ADAMTS19: variants seen among roughly 807,000 people sequenced by gnomAD.
ADAMTS19 encodes the protein A disintegrin and metalloproteinase with thrombospondin motifs 19.
In ADAMTS19, 93 loss-of-function variants were observed where a neutral mutation model predicts 153.3. That is an observed-to-expected ratio of 0.61 (90% CI 0.51 to 0.72). The LOEUF (loss-of-function observed/expected upper bound fraction) is 0.72, where lower values mean the gene tolerates loss of function less well. Ranked by LOEUF, ADAMTS19 falls within the 30% of genes least tolerant of loss-of-function variation. The pLI is 0.00. For missense variants in ADAMTS19, 1,482 were observed against 1,552.1 expected (o/e 0.95, Z 0.76); for synonymous variants, 600 against 556.6 (o/e 1.08, Z -1.10).
intron 3 of ADAMTS19, among the ~76,000 whole-genome samples, chr5:129,516,519 T>A (rs568204420): frequency 6.6e-6 from 1 of 151,964 alleles, no homozygotes; most frequent in African/African-American, 2.4e-5. Flanking sequence ...CCTGTTTCAA[T>A]CTTGGTAGGT....
intron 2 of ADAMTS19, among the ~76,000 whole-genome samples, chr5:129,497,389 A>C (rs1474640349): frequency 6.6e-6 from 1 of 152,058 alleles, no homozygotes; most frequent in Admixed American, 6.6e-5. Flanking sequence ...AATATCATTC[A>C]GTCTTAGGGA....
At chr5:129,525,032 T>C (rs915364362) in intron 3 of ADAMTS19, among the ~76,000 whole-genome samples, 2 of 152,166 alleles carry the variant, frequency 1.3e-5, no homozygotes, top group African/African-American at 4.8e-5. Flanking sequence ...TTTTCATTGC[T>C]ATATAGTATT....
chr5:129,633,191 G>T (rs1752380654), intron 10 of ADAMTS19, among the ~76,000 whole-genome samples: 1 of 150,792 alleles, frequency 6.6e-6, no homozygotes, highest in African/African-American at 2.4e-5. Flanking sequence ...TTTACATATT[G>T]TATTTTTCAC....
At chr5:129,492,157 C>G (rs1750789729) in intron 2 of ADAMTS19, among the ~76,000 whole-genome samples, 1 of 152,168 alleles carries the variant, frequency 6.6e-6, no homozygotes, top group Non-Finnish European at 1.5e-5. Flanking sequence ...ATGCATCTCA[C>G]ATGGCGAAAG....
At position 129,701,021 on chromosome 5, in the gene ADAMTS19, T is replaced by C. The variant is rs138424682; in HGVS notation, c.2955-367T>C. Among the ~76,000 whole-genome samples the C allele has an allele frequency of 3.5e-3, 529 of 152,076 alleles. 3 individuals are homozygous for C. Among genetic ancestry groups the C allele is most frequent in the African/African-American group, 0.012 (505 of 41,478 alleles). On this transcript the variant is annotated intron_variant, in intron 19 of 22. Coordinates refer to ENST00000274487, the MANE Select transcript of ADAMTS19 (RefSeq NM_133638.6). ...CCCAAATCTCATCTTGAATTGTAGCTTCCATGATTCCCATGTCATGAGAGG... is the reference window on the plus strand; with the variant it reads ...CCCAAATCTCATCTTGAATTGTAGCCTCCATGATTCCCATGTCATGAGAGG...
At chr5:129,529,615 A>G (rs534357311) in intron 6 of ADAMTS19, among the ~76,000 whole-genome samples, 23 of 152,224 alleles carry the variant, frequency 1.5e-4, no homozygotes, top group Non-Finnish European at 3.2e-4. Context: ...TTTATTATGC[A>G]AACATCGCAG....
At chr5:129,505,689 C>A (rs538875717) in intron 2 of ADAMTS19, among the ~76,000 whole-genome samples, 22 of 151,854 alleles carry the variant, frequency 1.4e-4, no homozygotes, top group African/African-American at 5.1e-4. Context: ...AAAAGCAATG[C>A]TAAATTGCAA....
intron 6 of ADAMTS19, among the ~76,000 whole-genome samples, chr5:129,547,576 GA>G: frequency 6.6e-6 from 1 of 150,398 alleles, no homozygotes; most frequent in Admixed American, 6.6e-5. Flanking sequence ...AGAAAAAGAA[GA>G]ACAAAGAAAT....
chr5:129,668,178 C>T (rs1754137264), intron 16 of ADAMTS19, among the ~76,000 whole-genome samples: 1 of 152,126 alleles, frequency 6.6e-6, no homozygotes, highest in Admixed American at 6.6e-5. Context: ...GGTCTCTTTG[C>T]CTTCTCCTTT....
intron 10 of ADAMTS19, among the ~76,000 whole-genome samples, chr5:129,622,852 T>C (rs950691239): frequency 6.6e-6 from 1 of 152,148 alleles, no homozygotes; most frequent in African/African-American, 2.4e-5. Context: ...TATGTAATTA[T>C]TATACTATGT....
intron 18 of ADAMTS19, among the ~76,000 whole-genome samples, chr5:129,688,451 CT>C (rs2127136896): frequency 6.6e-6 from 1 of 151,898 alleles, no homozygotes; most frequent in South Asian, 2.1e-4. Context: ...ATATGGTTAT[CT>C]AGCTAATTTT....
chr5:129,691,720 A>C (rs1429116651), intron 18 of ADAMTS19, among the ~76,000 whole-genome samples: 1 of 152,132 alleles, frequency 6.6e-6, no homozygotes, highest in Non-Finnish European at 1.5e-5. Context: ...ATGTAAATGG[A>C]AATGTCTCAA....
At chr5:129,689,758 C>A (rs2127139601) in intron 18 of ADAMTS19, among the ~76,000 whole-genome samples, 1 of 152,104 alleles carries the variant, frequency 6.6e-6, no homozygotes, top group Non-Finnish European at 1.5e-5. Context: ...ATACATGTAC[C>A]AAAATAAACA....
intron 2 of ADAMTS19, among the ~76,000 whole-genome samples, chr5:129,469,113 C>A (rs1478850559): frequency 6.6e-6 from 1 of 151,766 alleles, no homozygotes; most frequent in Admixed American, 6.6e-5. Flanking sequence ...ATTTTTATTT[C>A]TAATTCCAAA....
chr5:129,555,793 T>C (rs1372257084), intron 7 of ADAMTS19, among the ~76,000 whole-genome samples: 1 of 152,224 alleles, frequency 6.6e-6, no homozygotes, highest in East Asian at 1.9e-4. Context: ...TATAACATTG[T>C]ATTTTTATAC....
chr5:129,714,952 A>C (rs1014882239), intron 21 of ADAMTS19, among the ~76,000 whole-genome samples: 4 of 152,214 alleles, frequency 2.6e-5, no homozygotes, highest in Non-Finnish European at 5.9e-5. Context: ...TATTTTAAAC[A>C]GTAGAATATT....
chr5:129,626,001 G>A lies in ADAMTS19; in HGVS notation c.1770+3653G>A, dbSNP rs544573099. ...GGTCTAACATTTAAAATTAATTCAA[G>A]ATGGATTAAAGACTTAAATGTTAGA... is the stretch of plus-strand genomic sequence containing the variant. On this transcript the variant is annotated intron_variant, in intron 10 of 22. Coordinates refer to ENST00000274487, the MANE Select transcript of ADAMTS19 (RefSeq NM_133638.6). Among the ~76,000 whole-genome samples the A allele has an allele frequency of 2.8e-4, 43 of 151,880 alleles. No homozygotes were observed. In the South Asian group the frequency reaches 4.8e-3, roughly 17 times the overall value.
intron 11 of ADAMTS19, among the ~76,000 whole-genome samples, chr5:129,646,068 T>C (rs1239914069): frequency 6.7e-6 from 1 of 149,758 alleles, no homozygotes; most frequent in East Asian, 2.0e-4. Context: ...TTTTGTATTT[T>C]TAGTAGAGAC....
intron 2 of ADAMTS19, among the ~76,000 whole-genome samples, chr5:129,506,904 TA>T (rs1244225211): frequency 4.0e-5 from 6 of 151,832 alleles, no homozygotes; most frequent in Non-Finnish European, 5.9e-5. Flanking sequence ...AATATATATA[TA>T]TTTTTTAAAA....
Sources: gnomAD v4.1 joint callset for allele counts (sites outside exome capture counted in the v4.1 genomes callset) on GRCh38, gnomAD v4.1.1 for gene constraint, MANE v1.5 for transcripts, NCBI Gene and HGNC (gene_info 2026-07-23, HGNC 2026-07-21) for gene names.